ALK: variants seen among roughly 807,000 people sequenced by gnomAD.
The protein encoded by ALK is ALK tyrosine kinase receptor.
ALK carries 74 observed loss-of-function variants against 163.1 expected under a neutral mutation model. The observed-to-expected ratio is 0.45, with a 90% CI of 0.38 to 0.55. The LOEUF (loss-of-function observed/expected upper bound fraction) is 0.55. Ranked by LOEUF, ALK falls within the 20% of genes least tolerant of loss-of-function variation. ALK has a pLI of 0.00. For missense variants in ALK, 2,063 were observed against 2,105.3 expected, an observed-to-expected ratio of 0.98 and a Z score of 0.39; for synonymous variants, 960 against 843.2, an observed-to-expected ratio of 1.14 and a Z score of -2.40.
intron 12 of ALK, among the ~76,000 whole-genome samples, chr2:29,249,919 C>T (rs188287663): frequency 8.2e-4 from 125 of 152,278 alleles, no homozygotes; most frequent in African/African-American, 2.4e-3. Flanking sequence ...CATTTCTGCC[C>T]GGAGTGCCAT....
intron 3 of ALK, among the ~76,000 whole-genome samples, chr2:29,605,935 A>C (rs1002115839): frequency 6.7e-6 from 1 of 150,196 alleles, no homozygotes; most frequent in Non-Finnish European, 1.5e-5. Context: ...TGTAAGTTCA[A>C]CCTGATGGTC....
At chr2:29,329,050 C>T (rs1228930341) in intron 5 of ALK, among the ~76,000 whole-genome samples, 1 of 152,176 alleles carries the variant, frequency 6.6e-6, no homozygotes, top group African/African-American at 2.4e-5. Context: ...TCCTGCCTGG[C>T]TGTATGAGGC....
intron 12 of ALK, among the ~76,000 whole-genome samples, chr2:29,248,561 T>C (rs548807423): frequency 6.6e-6 from 1 of 152,324 alleles, no homozygotes; most frequent in Non-Finnish European, 1.5e-5. Context: ...ATGCCTCCTT[T>C]ACTAATTTGG....
At chr2:29,724,982 C>T (rs569435697) in intron 1 of ALK, among the ~76,000 whole-genome samples, 2 of 152,048 alleles carry the variant, frequency 1.3e-5, no homozygotes, top group East Asian at 3.9e-4. Context: ...TTCCTGCCTC[C>T]CCAAGAGGAC....
At chr2:29,519,136 C>A (rs551321454) in intron 4 of ALK, among the ~76,000 whole-genome samples, 21 of 152,096 alleles carry the variant, frequency 1.4e-4, no homozygotes, top group Non-Finnish European at 2.4e-4. Context: ...ATTACCTTTC[C>A]AAAGTTACAA....
intron 4 of ALK, among the ~76,000 whole-genome samples, chr2:29,473,044 A>G (rs1361406631): frequency 1.3e-5 from 2 of 152,270 alleles, no homozygotes; most frequent in Non-Finnish European, 2.9e-5. Flanking sequence ...GAAATGCAAA[A>G]GGCAAAGCAT....
intron 1 of ALK, among the ~76,000 whole-genome samples, chr2:29,815,759 C>T (rs1664879726): frequency 6.6e-6 from 1 of 152,210 alleles, no homozygotes; most frequent in Non-Finnish European, 1.5e-5. Flanking sequence ...CCACTGTCCT[C>T]CAACTTCTGC....
chr2:29,242,299 G>T (rs915426855), intron 12 of ALK, among the ~76,000 whole-genome samples: 2 of 152,130 alleles, frequency 1.3e-5, no homozygotes, highest in African/African-American at 4.8e-5. Context: ...TTCAGCCCAG[G>T]ACAAAGTCCT....
intron 6 of ALK, among the ~76,000 whole-genome samples, chr2:29,324,918 T>TTG (rs539350639): frequency 2.6e-5 from 4 of 152,150 alleles, no homozygotes; most frequent in Admixed American, 6.5e-5. Flanking sequence ...GGCAAGGGAA[T>TTG]GTCACCTCCA....
In ALK at chr2:29,532,025, G is replaced by C. The variant is rs200293454; in HGVS notation, c.1044C>G (p.Ala348=). 1 of 1,614,020 alleles carries C rather than the reference G, an allele frequency of 6.2e-7. No homozygotes were observed. The highest frequency in any genetic ancestry group is 1.7e-5 in the Admixed American group (1 of 60,010). Residue 348 remains alanine, a synonymous_variant, in exon 4 of 29, where the codon GCC becomes GCG. Coordinates refer to ENST00000389048, the MANE Select transcript of ALK (RefSeq NM_004304.5). Reference sequence around the variant, plus strand: ...GCTGCAGGTGCCTGTGCACCGAGACGGCCAGTGTGCAGTGCTCACTGCTGC... The same window carrying C: ...GCTGCAGGTGCCTGTGCACCGAGACCGCCAGTGTGCAGTGCTCACTGCTGC... ...MRSSSEHCTL[A]VSVHRHLQPS... is the part of the protein sequence containing the mutation.
chr2:29,744,871 A>G (rs6755565), intron 1 of ALK, among the ~76,000 whole-genome samples: 2,420 of 152,198 alleles, frequency 0.016, 57 homozygotes, highest in African/African-American at 0.055. Flanking sequence ...CTCAGAACTC[A>G]TCCAGTGTCA....
chr2:29,886,044 C>T (rs1317616378), intron 1 of ALK, among the ~76,000 whole-genome samples: 4 of 152,200 alleles, frequency 2.6e-5, no homozygotes, highest in Admixed American at 1.3e-4. Flanking sequence ...TTTCCTCCTC[C>T]TCCTCAGCCT....
chr2:29,656,585 A>G (rs1217418894), intron 3 of ALK, among the ~76,000 whole-genome samples: 1 of 152,186 alleles, frequency 6.6e-6, no homozygotes, highest in African/African-American at 2.4e-5. Flanking sequence ...TTTATTTGAT[A>G]TAACAACCCT....
chr2:29,684,628 C>T (rs1308941570), intron 3 of ALK, among the ~76,000 whole-genome samples: 2 of 152,200 alleles, frequency 1.3e-5, no homozygotes, highest in African/African-American at 2.4e-5. Flanking sequence ...CACTTCCAGA[C>T]ACCCCAATTG....
intron 3 of ALK, among the ~76,000 whole-genome samples, chr2:29,623,313 A>G (rs1251728654): frequency 1.3e-5 from 2 of 152,246 alleles, no homozygotes; most frequent in Non-Finnish European, 2.9e-5. Context: ...ATAAATGTCC[A>G]ATAATAGAGA....
chr2:29,664,419 T>C (rs1201147061), intron 3 of ALK, among the ~76,000 whole-genome samples: 1 of 152,128 alleles, frequency 6.6e-6, no homozygotes, highest in African/African-American at 2.4e-5. Context: ...TCACAGCCTT[T>C]TTGTACTCCC....
chr2:29,223,132 C>G (rs1180510929), intron 20 of ALK, among the ~76,000 whole-genome samples: 2 of 152,166 alleles, frequency 1.3e-5, no homozygotes, highest in Admixed American at 1.3e-4. Context: ...TGGTTCTCCT[C>G]TCATTGTATA....
rs1664025782 is a variant in ALK, at chr2:29,227,111, C to A, written c.2915-37G>T. 2.5e-6 allele frequency: 4 copies of A among 1,613,830 alleles called. No homozygotes were observed. In the African/African-American group the frequency reaches 5.3e-5, roughly 22 times the overall value. ...GAGGGAGGGTCAGTCTTGGGCCGAG[C>A]CTGCCTCCCCACTCCCAGCCTCAGT... On this transcript the variant is annotated intron_variant, in intron 17 of 28. Transcript: ENST00000389048. This position sits in a 1 kb window ranked among gnomAD's most constrained non-coding sequence, Gnocchi z 4.4.
At chr2:29,474,039 A>G (rs183467164) in intron 4 of ALK, among the ~76,000 whole-genome samples, 36 of 152,366 alleles carry the variant, frequency 2.4e-4, no homozygotes, top group African/African-American at 7.9e-4. Context: ...TCTAAAGCTG[A>G]CTAGACACAC....
Sources: allele counts gnomAD v4.1 joint callset (sites outside exome capture counted in the v4.1 genomes callset), GRCh38; gene constraint gnomAD v4.1.1; non-coding constraint Gnocchi (gnomAD v3.1); transcripts MANE v1.5; gene names NCBI Gene and HGNC (gene_info 2026-07-23, HGNC 2026-07-21).